Variants in TENT4B observed in about 807,000 individuals in gnomAD.
TENT4B encodes PAP associated domain containing 5.
Under a neutral mutation model 75.0 loss-of-function variants are expected in TENT4B, and 10 were observed. The observed-to-expected ratio is 0.13, with a 90% CI of 0.08 to 0.23. The LOEUF is 0.23. TENT4B is among the 10% of genes least tolerant of loss of function. TENT4B has a pLI of 1.00. For synonymous variants in TENT4B, 350 were observed against 357.7 expected (o/e 0.98, Z 0.24); for missense variants, 579 against 893.8 (o/e 0.65, Z 4.49).
At position 50,153,676 on chromosome 16, in the gene TENT4B, C is replaced by T. The variant is rs2037822580; in HGVS notation, c.55C>T (p.Leu19=). 2 of 1,019,254 alleles carry T rather than the reference C, an allele frequency of 2.0e-6. No homozygotes were observed. The highest frequency in any genetic ancestry group is 2.3e-6 in the Non-Finnish European group (2 of 852,954). 63.1% of individuals were successfully genotyped at this position (1,019,254 alleles called of 1,614,324 possible). Residue 19 remains leucine, a synonymous_variant, in exon 1 of 12, where the codon CTG becomes TTG. Transcript: ENST00000561678. ...AGAGCAGCTCGGACCGTCCAACAGT[C>T]TGTGGATGCAGATCTGGGAGACGAC... ...QPEQLGPSNS[L]WMQIWETTQG... is the part of the protein sequence containing the mutation.
intron 5 of TENT4B, among the ~76,000 whole-genome samples, chr16:50,221,292 A>T (rs1242534170): frequency 6.6e-6 from 1 of 152,198 alleles, no homozygotes; most frequent in Admixed American, 6.5e-5. Context: ...CCTAAGTAAT[A>T]ATAGCTGTTA....
chr16:50,196,488 TATCATCATCATCATCATCATC>T (rs10536148), intron 1 of TENT4B, among the ~76,000 whole-genome samples: 3,059 of 149,850 alleles, frequency 0.02, 110 homozygotes, highest in African/African-American at 0.072. Context: ...AGTTTATCAT[TATCATCATCATCATCATCATC>T]ATCATCATCA....
rs869060811 is a variant in TENT4B at position 50,182,891 on chromosome 16, C to CTTTTTTTTTTTTTTTTTTTTT, written c.639-28421_639-28401dup. Among the ~76,000 whole-genome samples the CTTTTTTTTTTTTTTTTTTTTT allele has an allele frequency of 2.2e-3, 79 of 36,472 alleles. 23 individuals are homozygous for CTTTTTTTTTTTTTTTTTTTTT. The highest frequency in any genetic ancestry group is 0.011 in the East Asian group (9 of 848). The allele number at this position is 36,472 out of a possible 152,430, so 23.9% of individuals were successfully genotyped here. A position where few individuals can be genotyped will look rare whatever the true frequency, so the allele number is the denominator to read the frequency against. On this transcript the variant is annotated intron_variant, in intron 1 of 11. Transcript: ENST00000561678. ...CCAAGTACAGCAAGTTTTATTTTACCTTTTTTTTTTTTTTTTTTTTTTTTT... is the reference window on the plus strand; with the variant it reads ...CCAAGTACAGCAAGTTTTATTTTACCTTTTTTTTTTTTTTTTTTTTTTTTTTTTTTTTTTTTTTTTTTTTTT...
At chr16:50,164,646 C>T (rs537832819) in intron 1 of TENT4B, among the ~76,000 whole-genome samples, 2 of 152,108 alleles carry the variant, frequency 1.3e-5, no homozygotes, top group African/African-American at 2.4e-5. Flanking sequence ...CTCTTACAGT[C>T]GAGGCCAGAA....
At chr16:50,211,737 A>G (rs1225504882) in intron 2 of TENT4B, among the ~76,000 whole-genome samples, 1 of 152,222 alleles carries the variant, frequency 6.6e-6, no homozygotes, top group Non-Finnish European at 1.5e-5. Context: ...AAGAAAGACA[A>G]ATCAAACCTC....
chr16:50,229,130 T>C, intron 11 of TENT4B, 22 bp from the exon 12 acceptor site: 1 of 1,610,438 alleles, frequency 6.2e-7, no homozygotes, highest in Non-Finnish European at 8.5e-7. Context: ...GATGTCTTTG[T>C]GGTCGTTTTC....
At chr16:50,158,084 T>C (rs1456404337) in intron 1 of TENT4B, among the ~76,000 whole-genome samples, 2 of 151,150 alleles carry the variant, frequency 1.3e-5, no homozygotes, top group Admixed American at 6.6e-5. Context: ...TATTTAATTA[T>C]GAATGAATGA....
chr16:50,191,869 A>C (rs1005485299), intron 1 of TENT4B, among the ~76,000 whole-genome samples: 3 of 152,124 alleles, frequency 2.0e-5, no homozygotes, highest in Admixed American at 2.0e-4. Context: ...CGGTGAGTCG[A>C]GATCGCACCA....
rs924456362 is a variant in TENT4B at position 50,233,550 on chromosome 16, ATGT to A, written c.*4225_*4227del. The A allele has an allele frequency of 2.0e-6, 2 of 985,000 alleles. No individual in the cohort carries two copies. The highest frequency in any genetic ancestry group is 2.4e-6 in the Non-Finnish European group (2 of 829,682). The allele number at this position is 985,000 out of a possible 1,614,324, so 61.0% of individuals were successfully genotyped here. ...TGAGCTAAATATATATAGACGTTGAATGTTGACAAAATTATTAACCAGAAAAAT... is the reference window on the plus strand; with the variant it reads ...TGAGCTAAATATATATAGACGTTGAATGACAAAATTATTAACCAGAAAAAT... On this transcript the variant is annotated 3_prime_UTR_variant, in exon 12 of 12. Coordinates refer to ENST00000561678, the MANE Select transcript of TENT4B (RefSeq NM_001365324.3).
chr16:50,212,658 C>G (rs915805709), intron 2 of TENT4B, among the ~76,000 whole-genome samples: 2 of 152,150 alleles, frequency 1.3e-5, no homozygotes, highest in Non-Finnish European at 2.9e-5. Flanking sequence ...AATGACCATA[C>G]ATCGCATTCT....
In TENT4B at chr16:50,232,040, T is replaced by C. The variant is rs1004982756; in HGVS notation, c.*2712T>C. The C allele has an allele frequency of 2.0e-6, 2 of 985,282 alleles. No homozygotes were observed. Among genetic ancestry groups the C allele is most frequent in the African/African-American group, 3.5e-5 (2 of 57,246 alleles). The allele number at this position is 985,282 out of a possible 1,614,324, so 61.0% of individuals were successfully genotyped here. On this transcript the variant is annotated 3_prime_UTR_variant, in exon 12 of 12. Transcript: ENST00000561678. ...AATTCTCCCTCACTCTGGTGACATT[T>C]CTCAGGCAGTCATGTATGTGTACCT...
At chr16:50,211,617 G>A (rs1301137819) in intron 2 of TENT4B, among the ~76,000 whole-genome samples, 171 bp downstream of exon 2, 1 of 152,140 alleles carries the variant, frequency 6.6e-6, no homozygotes, top group African/African-American at 2.4e-5. Context: ...TAGAATTGAG[G>A]CTTCCTAACT....
At position 50,231,718 on chromosome 16, in the gene TENT4B, A is replaced by G. The variant is rs2032300657; in HGVS notation, c.*2390A>G. 1 of 985,854 alleles carries G rather than the reference A, an allele frequency of 1.0e-6. No homozygotes were observed. The highest frequency in any genetic ancestry group is 1.2e-6 in the Non-Finnish European group (1 of 829,902). The allele number at this position is 985,854 out of a possible 1,614,324, so 61.1% of individuals were successfully genotyped here. A position where few individuals can be genotyped will look rare whatever the true frequency, so the allele number is the denominator to read the frequency against. On this transcript the variant is annotated 3_prime_UTR_variant, in exon 12 of 12. Coordinates refer to ENST00000561678, the MANE Select transcript of TENT4B (RefSeq NM_001365324.3). ...GCATGAAGGAGAAATTGAGGTGTGT[A>G]TACATTTCCTCAAATGACCAGCATT...
At chr16:50,193,663 T>G (rs2063552866) in intron 1 of TENT4B, among the ~76,000 whole-genome samples, 1 of 151,414 alleles carries the variant, frequency 6.6e-6, no homozygotes, top group Non-Finnish European at 1.5e-5. Context: ...TAAGAGGAGG[T>G]TTGTCTGATG....
At chr16:50,209,202 A>T (rs2031148360) in intron 1 of TENT4B, among the ~76,000 whole-genome samples, 1 of 152,158 alleles carries the variant, frequency 6.6e-6, no homozygotes, top group East Asian at 1.9e-4. Context: ...TTTTCTATGG[A>T]TCTGCTTTAG....
rs942566816 is a variant in TENT4B, at chr16:50,221,126, A to G, written c.1039-1180A>G. Among the ~76,000 whole-genome samples the G allele has an allele frequency of 1.3e-5, 2 of 152,096 alleles. 1 individual carries two copies. Among genetic ancestry groups the G allele is most frequent in the South Asian group, 4.1e-4 (2 of 4,828 alleles). ...ATGTGGTGAAACCCTGTCTCTACAAAAATACAAAAATTAGCTGGGCATGGT... is the reference window on the plus strand; with the variant it reads ...ATGTGGTGAAACCCTGTCTCTACAAGAATACAAAAATTAGCTGGGCATGGT... On this transcript the variant is annotated intron_variant, in intron 5 of 11. Coordinates refer to ENST00000561678, the MANE Select transcript of TENT4B (RefSeq NM_001365324.3).
At chr16:50,160,095 C>T (rs887622915) in intron 1 of TENT4B, among the ~76,000 whole-genome samples, 5 of 152,034 alleles carry the variant, frequency 3.3e-5, no homozygotes, top group East Asian at 3.9e-4. Flanking sequence ...GACGGGGTTT[C>T]GCCGTGTTGG....
intron 5 of TENT4B, among the ~76,000 whole-genome samples, chr16:50,219,160 TATGCATGATAAC>T (rs1333618787): frequency 1.2e-4 from 19 of 152,314 alleles, no homozygotes; most frequent in African/African-American, 3.8e-4. Context: ...TTGAAATTCA[TATGCATGATAAC>T]ATTCATCAGT....
chr16:50,233,417 G>T lies in TENT4B; in HGVS notation c.*4089G>T. On this transcript the variant is annotated 3_prime_UTR_variant, in exon 12 of 12. Coordinates refer to ENST00000561678, the MANE Select transcript of TENT4B (RefSeq NM_001365324.3). ...ATTTTACTGTAGAAGTTATTTACAT[G>T]ATTTGAAAACTTGACCTAACTGGAA... 1.0e-6 allele frequency: 1 copy of T among 985,274 alleles called. No individual in the cohort carries two copies. The highest frequency in any genetic ancestry group is 1.2e-6 in the Non-Finnish European group (1 of 829,900). 61.0% of individuals were successfully genotyped at this position (985,274 alleles called of 1,614,324 possible). A position where few individuals can be genotyped will look rare whatever the true frequency, so the allele number is the denominator to read the frequency against.
Sources: gnomAD v4.1 joint callset for allele counts (sites outside exome capture counted in the v4.1 genomes callset) on GRCh38, gnomAD v4.1.1 for gene constraint, MANE v1.5 for transcripts, NCBI Gene and HGNC (gene_info 2026-07-23, HGNC 2026-07-21) for gene names.